The following LSAMP variants were observed in gnomAD, a reference collection of about 807,000 sequenced individuals.
The protein encoded by LSAMP is limbic system-associated membrane protein.
Under a neutral mutation model 38.6 loss-of-function variants are expected in LSAMP, and 7 were observed. That is an observed-to-expected ratio of 0.18 (90% CI 0.10 to 0.34). LSAMP has a LOEUF of 0.34. Ranked by LOEUF, LSAMP falls within the 10% of genes least tolerant of loss-of-function variation. The pLI is 1.00. For synonymous variants in LSAMP, 154 were observed against 166.8 expected, an observed-to-expected ratio of 0.92 and a Z score of 0.59; for missense variants, 313 against 420.0, an observed-to-expected ratio of 0.75 and a Z score of 2.23.
chr3:116,222,817 G>A (rs2046303631), intron 1 of LSAMP, among the ~76,000 whole-genome samples: 2 of 130,634 alleles, frequency 1.5e-5, no homozygotes, highest in Admixed American at 9.3e-5. Flanking sequence ...CTCACTGCAA[G>A]CTCTGCCTCC....
At chr3:116,154,050 G>A (rs550877843) in intron 1 of LSAMP, among the ~76,000 whole-genome samples, 1 of 152,190 alleles carries the variant, frequency 6.6e-6, no homozygotes, top group Non-Finnish European at 1.5e-5. Flanking sequence ...CAACATGAGA[G>A]TTATCCTGAG....
At chr3:115,915,423 T>C (rs1937228914) in intron 3 of LSAMP, among the ~76,000 whole-genome samples, 1 of 152,196 alleles carries the variant, frequency 6.6e-6, no homozygotes, top group African/African-American at 2.4e-5. Flanking sequence ...ACTAGGTCAG[T>C]TCCTTCCTTT....
intron 2 of LSAMP, among the ~76,000 whole-genome samples, chr3:116,041,771 A>G (rs1373296617): frequency 6.6e-6 from 1 of 150,382 alleles, no homozygotes; most frequent in Non-Finnish European, 1.5e-5. Context: ...ATGTTTTGGG[A>G]ACCACAAAAG....
intron 1 of LSAMP, among the ~76,000 whole-genome samples, chr3:116,343,856 T>G (rs917360414): frequency 6.6e-6 from 1 of 152,078 alleles, no homozygotes; most frequent in Non-Finnish European, 1.5e-5. Flanking sequence ...GGTAACCATA[T>G]GATTTTTTTC....
intron 1 of LSAMP, among the ~76,000 whole-genome samples, chr3:116,436,996 T>C (rs2049360116): frequency 6.7e-6 from 1 of 149,794 alleles, no homozygotes; most frequent in African/African-American, 2.5e-5. Context: ...TATATATGCA[T>C]ATATATATAT....
At chr3:115,936,050 A>T (rs529041201) in intron 3 of LSAMP, among the ~76,000 whole-genome samples, 2 of 152,340 alleles carry the variant, frequency 1.3e-5, no homozygotes, top group East Asian at 3.9e-4. Flanking sequence ...AACACCCATA[A>T]GCCAAGGTCA....
intron 3 of LSAMP, among the ~76,000 whole-genome samples, chr3:116,006,070 C>G (rs2107667526): frequency 6.6e-6 from 1 of 152,288 alleles, no homozygotes; most frequent in Non-Finnish European, 1.5e-5. Context: ...ATCATGTGAG[C>G]AGATATTATA....
intron 2 of LSAMP, among the ~76,000 whole-genome samples, chr3:116,069,208 T>A (rs1367648022): frequency 6.6e-6 from 1 of 152,196 alleles, no homozygotes; most frequent in East Asian, 1.9e-4. Flanking sequence ...TATCTGCCCC[T>A]TCTTAGCACG....
At chr3:116,377,197 C>A (rs1313859779) in intron 1 of LSAMP, among the ~76,000 whole-genome samples, 1 of 151,944 alleles carries the variant, frequency 6.6e-6, no homozygotes, top group Non-Finnish European at 1.5e-5. Flanking sequence ...GCCCAGCATG[C>A]ATTTGCTCTT....
intron 3 of LSAMP, among the ~76,000 whole-genome samples, chr3:116,012,937 G>A (rs751909563): frequency 6.6e-6 from 1 of 152,108 alleles, no homozygotes; most frequent in Non-Finnish European, 1.5e-5. Context: ...TACTTGGAAT[G>A]GTGGCAAAAA....
chr3:116,157,273 C>A (rs763307733), intron 1 of LSAMP, among the ~76,000 whole-genome samples: 4 of 151,936 alleles, frequency 2.6e-5, no homozygotes, highest in Non-Finnish European at 4.4e-5. Flanking sequence ...CTGTCTTTCT[C>A]CATAACTTAT....
intron 1 of LSAMP, among the ~76,000 whole-genome samples, chr3:116,269,052 C>A (rs972065511): frequency 6.6e-6 from 1 of 152,008 alleles, no homozygotes; most frequent in Non-Finnish European, 1.5e-5. Context: ...CAGAAAGCTG[C>A]TGTATAGAAT....
chr3:116,028,618 T>C (rs1459772559), intron 2 of LSAMP, among the ~76,000 whole-genome samples: 1 of 152,170 alleles, frequency 6.6e-6, no homozygotes, highest in African/African-American at 2.4e-5. Flanking sequence ...GCATTTGAAC[T>C]TGGTCTATCT....
chr3:116,317,874 G>A lies in LSAMP; in HGVS notation c.155+127003C>T, dbSNP rs559155037. 4.0e-5 allele frequency among the ~76,000 whole-genome samples: 6 copies of A among 151,626 alleles called. No homozygotes were observed. The East Asian group carries it at 1.2e-3, about 30-fold the overall frequency. On this transcript the variant is annotated intron_variant, in intron 1 of 6. Coordinates refer to ENST00000490035, the MANE Select transcript of LSAMP (RefSeq NM_002338.5). ...AATAAGGCCGGGCGCGGTGGCTCAC[G>A]GCTGTAATCCCAACACTTTGGGAGG... is the stretch of plus-strand genomic sequence containing the variant.
At chr3:116,097,233 CTTTT>C (rs776692896) in intron 1 of LSAMP, among the ~76,000 whole-genome samples, 1 of 152,148 alleles carries the variant, frequency 6.6e-6, no homozygotes, top group African/African-American at 2.4e-5. Context: ...AAAATATGGT[CTTTT>C]CCATGTAGGG....
At chr3:116,206,318 C>T (rs1278080918) in intron 1 of LSAMP, among the ~76,000 whole-genome samples, 33 of 149,734 alleles carry the variant, frequency 2.2e-4, no homozygotes, top group Admixed American at 6.0e-4. Context: ...GTCTTGCTAG[C>T]GGTCTATCAA....
chr3:116,121,212 A>C (rs986086801), intron 1 of LSAMP, among the ~76,000 whole-genome samples: 11 of 152,224 alleles, frequency 7.2e-5, no homozygotes, highest in African/African-American at 2.4e-4. Flanking sequence ...AAAATACTGC[A>C]TTCTTGCTTA....
chr3:116,357,196 T>C (rs927642000), intron 1 of LSAMP, among the ~76,000 whole-genome samples: 7 of 152,202 alleles, frequency 4.6e-5, no homozygotes, highest in Non-Finnish European at 1.0e-4. Context: ...CAGGTACGAC[T>C]ACCCCAGTAT....
intron 2 of LSAMP, among the ~76,000 whole-genome samples, chr3:116,022,635 G>A (rs1408413196): frequency 6.6e-6 from 1 of 152,122 alleles, no homozygotes; most frequent in African/African-American, 2.4e-5. Flanking sequence ...AGCCTTCTCA[G>A]ATTCACTCTT....
Sources: gnomAD v4.1 joint callset for allele counts (sites outside exome capture counted in the v4.1 genomes callset) on GRCh38, gnomAD v4.1.1 for gene constraint, MANE v1.5 for transcripts, NCBI Gene and HGNC (gene_info 2026-07-23, HGNC 2026-07-21) for gene names.